The following TM9SF4 variants were observed in gnomAD, a reference collection of about 807,000 sequenced individuals.
TM9SF4 encodes dinucleotide oxidase disulfide thiol exchanger 3 superfamily member 4.
TM9SF4 carries 26 observed loss-of-function variants against 90.4 expected under a neutral mutation model. The ratio of observed to expected loss-of-function variants is 0.29; its 90% confidence interval spans 0.21 to 0.40. TM9SF4 has a LOEUF of 0.40. Ranked by LOEUF, TM9SF4 falls within the 10% of genes least tolerant of loss-of-function variation. TM9SF4 has a pLI of 1.00. For missense variants in TM9SF4, 549 were observed against 834.8 expected (o/e 0.66, Z 4.22); for synonymous variants, 293 against 315.4 (o/e 0.93, Z 0.75).
chr20:32,126,393 C>T (rs896835694), intron 1 of TM9SF4, among the ~76,000 whole-genome samples: 1 of 152,206 alleles, frequency 6.6e-6, no homozygotes, highest in East Asian at 1.9e-4. Context: ...GCCAAAAACT[C>T]ATAGTTGCCA....
Position 32,141,869 on chromosome 20 carries a change from C to T in TM9SF4, c.502C>T (p.Arg168Trp). 6.2e-7 allele frequency: 1 copy of T among 1,614,070 alleles called. No homozygotes were observed. The change falls in exon 5 of 18, where the codon CGG (arginine) becomes TGG (tryptophan). Residue 168 changes from arginine to tryptophan, a missense_variant. Around this residue, in one of 2 missense-constraint regions of TM9SF4, gnomAD observed 495 missense variants for 711.7 expected, o/e 0.70. Transcript: ENST00000398022. ...EKDVQFEHGY[R>W]LGFTDVNKIY... ...AGATGTGCAGTTTGAACACGGCTAC[C>T]GGCTCGGCTTCACAGATGTCAACAA...
At chr20:32,135,256 A>G (rs1176565124) in intron 2 of TM9SF4, among the ~76,000 whole-genome samples, 1 of 152,170 alleles carries the variant, frequency 6.6e-6, no homozygotes, top group Admixed American at 6.5e-5. Flanking sequence ...AATATATCAT[A>G]GTTTATTGAT....
chr20:32,165,556 C>G lies in TM9SF4; in HGVS notation c.*112C>G. ...CTCCTGCTCGTTTGGAATGTAACTCCTGGCACAGTGTTCCTGGATCCTGGG... is the reference window on the plus strand; with the variant it reads ...CTCCTGCTCGTTTGGAATGTAACTCGTGGCACAGTGTTCCTGGATCCTGGG... On this transcript the variant is annotated 3_prime_UTR_variant, in exon 18 of 18. Transcript: ENST00000398022. The G allele has an allele frequency of 7.6e-7, 1 of 1,315,296 alleles. No homozygotes were observed. Among genetic ancestry groups the G allele is most frequent in the East Asian group, 2.4e-5 (1 of 41,628 alleles). 81.5% of individuals were successfully genotyped at this position (1,315,296 alleles called of 1,614,324 possible).
At chr20:32,146,461 G>T (rs1390840081) in intron 8 of TM9SF4, among the ~76,000 whole-genome samples, 1 of 152,152 alleles carries the variant, frequency 6.6e-6, no homozygotes, top group Non-Finnish European at 1.5e-5. Context: ...CAGAGGTGGA[G>T]CCACAGGCAG....
At chr20:32,120,790 C>T (rs1191342118) in intron 1 of TM9SF4, among the ~76,000 whole-genome samples, 1 of 126,324 alleles carries the variant, frequency 7.9e-6, no homozygotes, top group East Asian at 3.9e-4. Flanking sequence ...TTCATAGCTG[C>T]CCTTTATCTG....
intron 1 of TM9SF4, among the ~76,000 whole-genome samples, chr20:32,123,913 AG>A (rs2046380671): frequency 7.4e-6 from 1 of 135,128 alleles, no homozygotes; most frequent in African/African-American, 2.8e-5. Flanking sequence ...TCTGTGCTAG[AG>A]TGCAGTGGCA....
At chr20:32,160,928 C>CGACAGAGTG (rs1439217386) in intron 16 of TM9SF4, among the ~76,000 whole-genome samples, 2 of 106,350 alleles carry the variant, frequency 1.9e-5, no homozygotes, top group African/African-American at 3.8e-5. Context: ...CCATCCTGGG[C>CGACAGAGTG]GACAGAGTGA....
intron 2 of TM9SF4, among the ~76,000 whole-genome samples, chr20:32,133,472 C>T (rs1179314342): frequency 6.6e-6 from 1 of 152,192 alleles, no homozygotes; most frequent in Non-Finnish European, 1.5e-5. Context: ...CTCTGCCTCC[C>T]TTTCTCACCT....
chr20:32,157,867 A>C lies in TM9SF4; in HGVS notation c.1403A>C (p.Tyr468Ser). The C allele has an allele frequency of 1.2e-6, 2 of 1,614,092 alleles. No individual in the cohort carries two copies. The highest frequency in any genetic ancestry group is 1.7e-6 in the Non-Finnish European group (2 of 1,180,020). The change falls in exon 14 of 18, where the codon TAC becomes TCC. Residue 468 changes from tyrosine (Y) to serine (S), a missense_variant. This residue lies in a region of TM9SF4 where 495 missense variants were observed against 711.7 expected (regional missense o/e 0.70). Coordinates refer to ENST00000398022, the MANE Select transcript of TM9SF4 (RefSeq NM_014742.4). Reference protein sequence around the residue: ...GISLPLVYLGYYFGFRKQPYD... With the variant: ...GISLPLVYLGSYFGFRKQPYD... ...TCCCTGCCCCTCGTCTACTTGGGCT[A>C]CTACTTCGGCTTCCGAAAGCAGCCA...
intron 13 of TM9SF4, among the ~76,000 whole-genome samples, chr20:32,155,577 C>T (rs995404697): frequency 5.3e-5 from 8 of 152,214 alleles, no homozygotes; most frequent in African/African-American, 1.7e-4. Context: ...CCAGCCCCTG[C>T]AGGTGGAGGA....
Position 32,165,301 on chromosome 20 carries a change from A to G in TM9SF4, c.1786A>G (p.Ile596Val). 3 of 1,614,142 alleles carry G rather than the reference A, an allele frequency of 1.9e-6. No homozygotes were observed. The highest frequency in any genetic ancestry group is 1.7e-6 in the Non-Finnish European group (2 of 1,180,016). The change falls in exon 18 of 18, where the codon ATC (isoleucine) becomes GTC (valine). Residue 596 changes from isoleucine to valine, a missense_variant. Transcript: ENST00000398022. ...AIFYFVNKLD[I>V]VEFIPSLLYF... Reference sequence around the variant, plus strand: ...TTTCTGCTCGTGGCCGCAGCTGGACATCGTGGAGTTCATCCCCTCTCTCCT... The same window carrying G: ...TTTCTGCTCGTGGCCGCAGCTGGACGTCGTGGAGTTCATCCCCTCTCTCCT...
intron 1 of TM9SF4, among the ~76,000 whole-genome samples, chr20:32,119,325 G>A (rs1212456774): frequency 2.0e-5 from 3 of 152,130 alleles, no homozygotes; most frequent in Non-Finnish European, 2.9e-5. Flanking sequence ...GCTGGGCACC[G>A]TGGCTCATGC....
chr20:32,139,003 C>T (rs2122394607), intron 3 of TM9SF4, among the ~76,000 whole-genome samples: 1 of 152,348 alleles, frequency 6.6e-6, no homozygotes, highest in East Asian at 1.9e-4. Context: ...CTTCACTGGC[C>T]AATCCATCCC....
intron 1 of TM9SF4, among the ~76,000 whole-genome samples, chr20:32,121,628 C>G (rs1283552131): frequency 6.6e-6 from 1 of 152,136 alleles, no homozygotes; most frequent in Non-Finnish European, 1.5e-5. Context: ...GGCAACCATC[C>G]GATTTCTCGA....
At chr20:32,152,867 G>A (rs2046862975) in intron 12 of TM9SF4, among the ~76,000 whole-genome samples, 1 of 152,222 alleles carries the variant, frequency 6.6e-6, no homozygotes, top group African/African-American at 2.4e-5. Flanking sequence ...AGTAGGGGCA[G>A]GTGTGTTGTT....
intron 15 of TM9SF4, 83 bp downstream of exon 15, chr20:32,158,597 C>A: frequency 6.9e-7 from 1 of 1,441,024 alleles, no homozygotes; most frequent in Non-Finnish European, 9.7e-7. Context: ...CTGCCTACTG[C>A]CTGAGAAAGT....
chr20:32,135,380 A>T (rs2046579934), intron 2 of TM9SF4, among the ~76,000 whole-genome samples: 3 of 152,330 alleles, frequency 2.0e-5, no homozygotes, highest in African/African-American at 7.2e-5. Flanking sequence ...AAAGCACTGG[A>T]GTTACAGAGG....
chr20:32,141,166 G>A (rs1476117287), intron 3 of TM9SF4, among the ~76,000 whole-genome samples: 2 of 142,474 alleles, frequency 1.4e-5, no homozygotes, highest in South Asian at 2.3e-4. Context: ...ACAGTGAGCT[G>A]AGATCGTGCC....
chr20:32,141,216 CAAAAAAAA>C (rs71185383), intron 3 of TM9SF4, among the ~76,000 whole-genome samples: 2 of 26,014 alleles, frequency 7.7e-5, no homozygotes, highest in Non-Finnish European at 1.5e-4. Flanking sequence ...GACTCCATCT[CAAAAAAAA>C]AAAAAAAAAA....
Sources: gnomAD v4.1 joint callset for allele counts (sites outside exome capture counted in the v4.1 genomes callset) on GRCh38, gnomAD v4.1.1 for gene constraint, gnomAD v4.1.1 regional missense constraint, MANE v1.5 for transcripts, NCBI Gene and HGNC (gene_info 2026-07-23, HGNC 2026-07-21) for gene names.